TAB2: variants seen among roughly 807,000 people sequenced by gnomAD.
TAB2 encodes the protein TGF-beta activated kinase 1 (MAP3K7) binding protein 2, also known as TGF-beta-activated kinase 1 and MAP3K7-binding protein 2.
TAB2 carries 3 observed loss-of-function variants against 65.0 expected under a neutral mutation model. That is an observed-to-expected ratio of 0.05 (90% CI 0.02 to 0.12). The LOEUF (loss-of-function observed/expected upper bound fraction) is 0.12. Ranked by LOEUF, TAB2 falls within the 10% of genes least tolerant of loss-of-function variation. The pLI, the probability that TAB2 is intolerant of heterozygous loss-of-function variation, is 1.00. For synonymous variants in TAB2, 298 were observed against 285.1 expected (o/e 1.05, Z -0.46); for missense variants, 623 against 840.3 (o/e 0.74, Z 3.20).
intron 1 of TAB2, chr6:149,243,479 C>G (rs927887910): frequency 2.0e-5 from 3 of 152,148 alleles, no homozygotes; most frequent in African/African-American, 7.2e-5. Context: ...ACATTATATC[C>G]AGTTTCTGTG....
At chr6:149,406,236 ATTAT>A (rs1238008755) in intron 6 of TAB2, among the ~76,000 whole-genome samples, 1 of 152,208 alleles carries the variant, frequency 6.6e-6, no homozygotes, top group Non-Finnish European at 1.5e-5. Context: ...AGAGATAAAA[ATTAT>A]TTGTGTTACT....
chr6:149,346,311 A>G (rs1332275127), intron 1 of TAB2, among the ~76,000 whole-genome samples: 1 of 152,168 alleles, frequency 6.6e-6, no homozygotes, highest in African/African-American at 2.4e-5. Context: ...GCTGGCCAGG[A>G]GTCCACTATG....
At chr6:149,316,813 C>A (rs1305189864), upstream of TAB2, among the ~76,000 whole-genome samples, 1 of 152,116 alleles carries the variant, frequency 6.6e-6, no homozygotes, top group Non-Finnish European at 1.5e-5. Flanking sequence ...TCCCCCTCAA[C>A]TGCTCAAGAA....
chr6:149,227,620 C>G (rs1188530968), intron 1 of TAB2, among the ~76,000 whole-genome samples: 3 of 152,230 alleles, frequency 2.0e-5, no homozygotes, highest in Non-Finnish European at 4.4e-5. Context: ...CTTGCCCACC[C>G]TTTCCATAAA....
intron 1 of TAB2, among the ~76,000 whole-genome samples, chr6:149,300,134 A>G (rs1307103209): frequency 6.6e-6 from 1 of 152,194 alleles, no homozygotes; most frequent in Non-Finnish European, 1.5e-5. Context: ...AGTATCTTGT[A>G]TAGGACTAGG....
chr6:149,383,345 C>T (rs767920226), intron 3 of TAB2, among the ~76,000 whole-genome samples: 18 of 152,106 alleles, frequency 1.2e-4, no homozygotes, highest in Non-Finnish European at 2.2e-4. Context: ...AGAATCTGCC[C>T]CTCAAATTGC....
At chr6:149,326,807 GC>G (rs1263443967) in intron 1 of TAB2, among the ~76,000 whole-genome samples, 1 of 152,046 alleles carries the variant, frequency 6.6e-6, no homozygotes, top group Non-Finnish European at 1.5e-5. Flanking sequence ...CCTCAGCCTT[GC>G]TTTTTTAAGC....
intron 1 of TAB2, among the ~76,000 whole-genome samples, chr6:149,358,902 A>T (rs538500146): frequency 6.6e-6 from 1 of 151,958 alleles, no homozygotes; most frequent in South Asian, 2.1e-4. Flanking sequence ...CTGTAGTCTC[A>T]AGTACCTTCT....
At chr6:149,399,216 AC>A in intron 6 of TAB2, 32 bp downstream of exon 6, 13 of 1,600,084 alleles carry the variant, frequency 8.1e-6, no homozygotes, top group Non-Finnish European at 1.1e-5. Context: ...GAAAACTGTT[AC>A]TTTTGAAAAG....
intron 6 of TAB2, chr6:149,400,213 C>T (rs912103053): frequency 2.8e-5 from 18 of 643,324 alleles, no homozygotes; most frequent in African/African-American, 2.6e-4. Context: ...AATGGGAGGC[C>T]CCAACAGCTC....
chr6:149,308,071 A>G (rs994304662), intron 1 of TAB2, among the ~76,000 whole-genome samples: 1 of 152,196 alleles, frequency 6.6e-6, no homozygotes, highest in African/African-American at 2.4e-5. Context: ...TAACCACTAC[A>G]TCTTATTTTA....
intron 1 of TAB2, among the ~76,000 whole-genome samples, chr6:149,272,519 C>T (rs1357294819): frequency 2.0e-5 from 3 of 152,150 alleles, no homozygotes; most frequent in Non-Finnish European, 2.9e-5. Flanking sequence ...GCAATTACAT[C>T]GCTCCAACCT....
intron 1 of TAB2, among the ~76,000 whole-genome samples, chr6:149,240,864 C>T (rs1777584442): frequency 6.6e-6 from 1 of 152,068 alleles, no homozygotes; most frequent in Non-Finnish European, 1.5e-5. Context: ...ATTAAATGGT[C>T]ATGCCCCTCC....
intron 2 of TAB2, among the ~76,000 whole-genome samples, 173 bp downstream of exon 2, chr6:149,370,272 A>T (rs1026995800): frequency 1.3e-5 from 2 of 152,172 alleles, no homozygotes; most frequent in African/African-American, 2.4e-5. Flanking sequence ...AGCTTTCTGT[A>T]CCCATCTGTA....
chr6:149,281,407 AAAAGGAAATCGTAAAAAATACTTG>A (rs532377700), intron 1 of TAB2, among the ~76,000 whole-genome samples: 341 of 152,122 alleles, frequency 2.2e-3, no homozygotes, highest in Non-Finnish European at 3.9e-3. Flanking sequence ...CAAAGGAGAC[AAAAGGAAATCGTAAAAAATACTTG>A]ATTAATTCCA....
At chr6:149,364,855 TAAACTGCACTGA>T (rs1780988599) in intron 1 of TAB2, among the ~76,000 whole-genome samples, 1 of 151,718 alleles carries the variant, frequency 6.6e-6, no homozygotes, top group Admixed American at 6.6e-5. Context: ...TCCACTATGA[TAAACTGCACTGA>T]ATATGAAGCA....
At chr6:149,358,254 A>T (rs188721495) in intron 1 of TAB2, among the ~76,000 whole-genome samples, 4 of 152,124 alleles carry the variant, frequency 2.6e-5, no homozygotes, top group African/African-American at 4.8e-5. Context: ...TCTAAACACG[A>T]TATTGATTTA....
chr6:149,400,271 A>T, intron 6 of TAB2: 4 of 1,072,496 alleles, frequency 3.7e-6, no homozygotes, highest in Non-Finnish European at 2.7e-6. Flanking sequence ...ATGTGCACGC[A>T]CCCTCTCCCT....
chr6:149,275,540 T>C (rs1778455894), intron 1 of TAB2, among the ~76,000 whole-genome samples: 1 of 152,256 alleles, frequency 6.6e-6, no homozygotes, highest in South Asian at 2.1e-4. Context: ...AAATAATTTA[T>C]GTAGATTCTT....
Sources: allele counts gnomAD v4.1 joint callset (sites outside exome capture counted in the v4.1 genomes callset), GRCh38; gene constraint gnomAD v4.1.1; transcripts MANE v1.5; gene names NCBI Gene and HGNC (gene_info 2026-07-23, HGNC 2026-07-21).